LSAMP: variants seen among roughly 807,000 people sequenced by gnomAD.
LSAMP encodes limbic system-associated membrane protein.
A neutral mutation model predicts 38.6 loss-of-function variants in LSAMP; 7 were observed. That is an observed-to-expected ratio of 0.18 (90% CI 0.10 to 0.34). The LOEUF is 0.34. Ranked by LOEUF, LSAMP falls within the 10% of genes least tolerant of loss-of-function variation. The pLI, the probability that LSAMP is intolerant of heterozygous loss-of-function variation, is 1.00. For missense variants in LSAMP, 313 were observed against 420.0 expected (o/e 0.75, Z 2.23); for synonymous variants, 154 against 166.8 (o/e 0.92, Z 0.59).
At chr3:116,404,378 C>T (rs892164838) in intron 1 of LSAMP, among the ~76,000 whole-genome samples, 1 of 152,010 alleles carries the variant, frequency 6.6e-6, no homozygotes, top group Non-Finnish European at 1.5e-5. Flanking sequence ...TAAAAATATG[C>T]CAGTTAGTAC....
intron 3 of LSAMP, among the ~76,000 whole-genome samples, chr3:115,928,969 G>GT (rs1033194537): frequency 4.7e-4 from 25 of 53,572 alleles, no homozygotes; most frequent in South Asian, 2.0e-3. Flanking sequence ...CAGGTTTTTT[G>GT]TTTGTTTTTT....
intron 1 of LSAMP, among the ~76,000 whole-genome samples, chr3:116,402,591 AT>A (rs2048853111): frequency 6.6e-6 from 1 of 152,154 alleles, no homozygotes; most frequent in Non-Finnish European, 1.5e-5. Context: ...ATTTATTGGC[AT>A]TAAATAAGGT....
At chr3:116,300,065 C>A (rs2047386593) in intron 1 of LSAMP, among the ~76,000 whole-genome samples, 1 of 152,188 alleles carries the variant, frequency 6.6e-6, no homozygotes, top group South Asian at 2.1e-4. Flanking sequence ...CCACCTTCCA[C>A]CCTGAAGCCA....
intron 6 of LSAMP, among the ~76,000 whole-genome samples, chr3:115,815,793 C>A (rs141733334): frequency 6.6e-6 from 1 of 152,258 alleles, no homozygotes; most frequent in African/African-American, 2.4e-5. Context: ...TTCTTGAAGG[C>A]CTCAAATGAT....
chr3:115,978,163 C>T (rs770948269), intron 3 of LSAMP, among the ~76,000 whole-genome samples: 19 of 152,038 alleles, frequency 1.2e-4, no homozygotes, highest in South Asian at 2.1e-4. Context: ...CCACGCCCAG[C>T]GACTTCTTTC....
rs749734443 is a variant in LSAMP, at chr3:116,351,627, T to C, written c.155+93250A>G. On this transcript the variant is annotated intron_variant, in intron 1 of 6. Transcript: ENST00000490035. ...CCCAATAATTATAAGAATACTCCAC[T>C]GGAAACTACAGAATGGATGGCGGTG... Among the ~76,000 whole-genome samples the C allele has an allele frequency of 6.6e-5, 10 of 152,158 alleles. 2 individuals are homozygous for C. In the South Asian group the frequency reaches 1.2e-3, roughly 19 times the overall value.
intron 1 of LSAMP, among the ~76,000 whole-genome samples, chr3:116,349,738 A>C (rs1040248890): frequency 2.0e-5 from 3 of 152,044 alleles, no homozygotes; most frequent in Non-Finnish European, 4.4e-5. Context: ...AAAATAAAGC[A>C]ATGTAGTCAC....
At chr3:116,187,755 A>T (rs1007915138) in intron 1 of LSAMP, among the ~76,000 whole-genome samples, 1 of 152,172 alleles carries the variant, frequency 6.6e-6, no homozygotes, top group Admixed American at 6.5e-5. Context: ...TTTATTTTAT[A>T]TAGTTACAGA....
At chr3:116,343,667 A>G (rs1184619176) in intron 1 of LSAMP, among the ~76,000 whole-genome samples, 1 of 152,088 alleles carries the variant, frequency 6.6e-6, no homozygotes, top group Non-Finnish European at 1.5e-5. Flanking sequence ...TGTGTTGATT[A>G]TTAATGGCTA....
At chr3:116,398,319 T>C (rs1046187978) in intron 1 of LSAMP, among the ~76,000 whole-genome samples, 3 of 152,040 alleles carry the variant, frequency 2.0e-5, no homozygotes, top group African/African-American at 7.2e-5. Flanking sequence ...TGAGTATTCG[T>C]TGAGAAAAGG....
intron 1 of LSAMP, among the ~76,000 whole-genome samples, chr3:116,425,634 C>T (rs748732476): frequency 3.0e-4 from 45 of 151,946 alleles, no homozygotes; most frequent in Non-Finnish European, 1.3e-4. Flanking sequence ...AATCTCTAAC[C>T]GTCTATGACT....
intron 3 of LSAMP, among the ~76,000 whole-genome samples, chr3:115,950,161 T>C (rs974194032): frequency 6.6e-6 from 1 of 151,838 alleles, no homozygotes; most frequent in Non-Finnish European, 1.5e-5. Context: ...GAAATCCCCC[T>C]GAGAACTGGA....
At chr3:116,238,881 A>T (rs2046497329) in intron 1 of LSAMP, among the ~76,000 whole-genome samples, 1 of 151,492 alleles carries the variant, frequency 6.6e-6, no homozygotes, top group Non-Finnish European at 1.5e-5. Context: ...ATACTAAATC[A>T]CTCCTCTGCA....
At chr3:116,165,697 G>C (rs1442120310) in intron 1 of LSAMP, among the ~76,000 whole-genome samples, 1 of 152,178 alleles carries the variant, frequency 6.6e-6, no homozygotes, top group African/African-American at 2.4e-5. Flanking sequence ...GAGCAGGGCA[G>C]GCTAGTCTTA....
At chr3:116,089,794 A>AAAAT (rs1408832887) in intron 1 of LSAMP, among the ~76,000 whole-genome samples, 1 of 152,112 alleles carries the variant, frequency 6.6e-6, no homozygotes, top group African/African-American at 2.4e-5. Flanking sequence ...CAATGGAAAA[A>AAAAT]AAATAAATAA....
chr3:116,030,339 G>T (rs1453616307), intron 2 of LSAMP, among the ~76,000 whole-genome samples: 1 of 152,084 alleles, frequency 6.6e-6, no homozygotes, highest in African/African-American at 2.4e-5. Context: ...TCCCATGGAC[G>T]GGTCATTGCC....
rs578262032 is a variant in LSAMP at position 116,228,557 on chromosome 3, T to C, written c.156-142001A>G. Among the ~76,000 whole-genome samples, 11 of 152,252 alleles carry C rather than the reference T, an allele frequency of 7.2e-5. No individual in the cohort carries two copies. In the East Asian group the frequency reaches 1.9e-3, roughly 27 times the overall value. ...TGAACCTAGAAATTGATTAGTCCAA[T>C]ATAGTGGTAAATATATGGAGTAAGT... is the stretch of plus-strand genomic sequence containing the variant. On this transcript the variant is annotated intron_variant, in intron 1 of 6. Transcript: ENST00000490035.
In LSAMP at chr3:116,190,233, GA is replaced by G. The variant is rs765709423; in HGVS notation, c.156-103678del. 2.8e-4 allele frequency among the ~76,000 whole-genome samples: 42 copies of G among 152,148 alleles called. 1 individual carries two copies. The highest frequency in any genetic ancestry group is 6.5e-4 in the Admixed American group (10 of 15,274). On this transcript the variant is annotated intron_variant, in intron 1 of 6. Coordinates refer to ENST00000490035, the MANE Select transcript of LSAMP (RefSeq NM_002338.5). The stretch of plus-strand genomic sequence containing the variant: ...TGGTGCACTTGTCACGCAAGAAACT[GA>G]AACAATTATATGTGATATGTAATTA...
chr3:116,319,452 G>A (rs542912611), intron 1 of LSAMP, among the ~76,000 whole-genome samples: 19 of 152,086 alleles, frequency 1.2e-4, no homozygotes, highest in Non-Finnish European at 2.2e-4. Flanking sequence ...TATTATATAC[G>A]GAAATCTAAT....
Sources: allele counts gnomAD v4.1 joint callset (sites outside exome capture counted in the v4.1 genomes callset), GRCh38; gene constraint gnomAD v4.1.1; transcripts MANE v1.5; gene names NCBI Gene and HGNC (gene_info 2026-07-23, HGNC 2026-07-21).